RASGRF1: variants seen among roughly 807,000 people sequenced by gnomAD.
RASGRF1 encodes ras-specific guanine nucleotide-releasing factor 1.
Under a neutral mutation model 138.7 loss-of-function variants are expected in RASGRF1, and 40 were observed. The observed-to-expected ratio is 0.29, with a 90% CI of 0.22 to 0.38. RASGRF1 has a LOEUF of 0.38. RASGRF1 is among the 10% of genes least tolerant of loss of function. The pLI, the probability that RASGRF1 is intolerant of heterozygous loss-of-function variation, is 1.00. For missense variants in RASGRF1, 1,108 were observed against 1,650.4 expected (o/e 0.67, Z 5.69); for synonymous variants, 614 against 663.2 (o/e 0.93, Z 1.14).
intron 5 of RASGRF1, among the ~76,000 whole-genome samples, chr15:79,042,895 T>C (rs1429296945): frequency 6.6e-6 from 1 of 152,198 alleles, no homozygotes; most frequent in Non-Finnish European, 1.5e-5. Flanking sequence ...AATAGTTCCT[T>C]ATGTTTGCAA....
rs569864804 is a variant in RASGRF1 at position 79,077,828 on chromosome 15, C to T, written c.276+12395G>A. ...AAACAGTCCCCTCTGATCTCCTTGCCCCCTCCAATTCATCCCGCCTTTTGG... is the reference window on the plus strand; with the variant it reads ...AAACAGTCCCCTCTGATCTCCTTGCTCCCTCCAATTCATCCCGCCTTTTGG... On this transcript the variant is annotated intron_variant, in intron 1 of 26. Transcript: ENST00000558480. 2.0e-5 allele frequency among the ~76,000 whole-genome samples: 3 copies of T among 151,760 alleles called. No individual in the cohort carries two copies. The South Asian group carries it at 6.3e-4, about 32-fold the overall frequency.
At position 79,017,896 on chromosome 15, in the gene RASGRF1, G is replaced by A. The variant is rs139426512; in HGVS notation, c.1617C>T (p.Ser539=). The A allele has an allele frequency of 4.8e-3, 7,802 of 1,611,868 alleles. 28 individuals carry two copies. Among genetic ancestry groups the A allele is most frequent in the Middle Eastern group, 8.3e-3 (50 of 6,052 alleles). ...PESTEEEAKG[S]GQDIDHLDFK... is the part of the protein sequence containing the mutation. ...AATCCAAGTGATCTATGTCTTGGCC[G>A]GATCCTTTGGCTTCCAGTTGTAAAA... The change falls in exon 12 of 27, where the codon TCC becomes TCT. Residue 539 remains serine (S), a synonymous_variant. Transcript: ENST00000558480.
intron 1 of RASGRF1, among the ~76,000 whole-genome samples, chr15:79,082,783 T>G (rs1463459928): frequency 2.0e-5 from 3 of 152,186 alleles, no homozygotes; most frequent in Non-Finnish European, 4.4e-5. Flanking sequence ...TGCTTGGACC[T>G]TTTCAGGAAC....
At chr15:78,979,015 G>C (rs951217408) in intron 24 of RASGRF1, 1 of 1,293,760 alleles carries the variant, frequency 7.7e-7, no homozygotes, top group African/African-American at 1.5e-5. Context: ...TGGAGGCAGC[G>C]GTGGTGGCGG....
intron 24 of RASGRF1, chr15:78,979,435 A>T (rs2055968553): frequency 9.7e-6 from 2 of 207,036 alleles, no homozygotes; most frequent in African/African-American, 4.6e-5. Context: ...TGATCATGGG[A>T]ACACCAGGAA....
At position 79,017,792 on chromosome 15, in the gene RASGRF1, G is replaced by A. The variant is rs1434152539; in HGVS notation, c.1721C>T (p.Ala574Val). 12 of 1,609,984 alleles carry A rather than the reference G, an allele frequency of 7.5e-6. No individual in the cohort carries two copies. The highest frequency in any genetic ancestry group is 6.8e-5 in the Admixed American group (4 of 58,866). Residue 574 changes from alanine (A) to valine (V), a missense_variant, in exon 12 of 27, where the codon GCG (alanine) becomes GTG (valine). This residue lies in a region of RASGRF1 where 686 missense variants were observed against 976.7 expected (regional missense o/e 0.70). Transcript: ENST00000558480. ...CACCTGGCTGATGTCACTGGTCCAC[G>A]CTGCCTTCTCCTGTCTGGACGAGGC... ...LVASSRQEKAAWTSDISQCVD... is the reference protein window; with the variant it reads ...LVASSRQEKAVWTSDISQCVD...
At chr15:78,967,174 T>C (rs1246390471) in intron 26 of RASGRF1, among the ~76,000 whole-genome samples, 3 of 151,808 alleles carry the variant, frequency 2.0e-5, no homozygotes, top group Non-Finnish European at 4.4e-5. Context: ...GCCGGGGAAG[T>C]TGAGGTTGCA....
In RASGRF1 at chr15:79,033,581, C is replaced by CTTTT. The variant is rs71148586; in HGVS notation, c.959-1269_959-1266dup. Among the ~76,000 whole-genome samples the CTTTT allele has an allele frequency of 4.4e-3, 410 of 93,924 alleles. 17 individuals are homozygous for CTTTT. Among genetic ancestry groups the CTTTT allele is most frequent in the Middle Eastern group, 0.015 (1 of 66 alleles). 61.6% of individuals were successfully genotyped at this position (93,924 alleles called of 152,430 possible). ...ACATCTTCTTCTTCTTTTTTCTTTTCTTTTTTTTTTTTTTTTTTTTTGAGA... is the reference window on the plus strand; with the variant it reads ...ACATCTTCTTCTTCTTTTTTCTTTTCTTTTTTTTTTTTTTTTTTTTTTTTTGAGA... On this transcript the variant is annotated intron_variant, in intron 6 of 26. Coordinates refer to ENST00000558480, the MANE Select transcript of RASGRF1 (RefSeq NM_001145648.3).
intron 19 of RASGRF1, among the ~76,000 whole-genome samples, chr15:78,996,357 C>T (rs1444699166): frequency 6.6e-6 from 1 of 152,212 alleles, no homozygotes; most frequent in Non-Finnish European, 1.5e-5. Context: ...GGCTCAGAGC[C>T]ACAGCTGGTG....
chr15:79,001,739 C>T lies in RASGRF1; in HGVS notation c.2498G>A (p.Ser833Asn), dbSNP rs1595888627. Residue 833 changes from serine (S) to asparagine (N), a missense_variant, in exon 16 of 27, where the codon AGT becomes AAT. Physicochemically the swap from Ser to Asn is conservative, Grantham distance 46 (BLOSUM62 1). Transcript: ENST00000558480. ...TGATGTTTCAGTATCACCATCATCA[C>T]TCTGGTTTTGATCAATATCTGACTC... The part of the protein sequence containing the change: ...REESDIDQNQ[S>N]DDGDTETSPT... 6.2e-7 allele frequency: 1 copy of T among 1,610,466 alleles called. No individual in the cohort carries two copies. The highest frequency in any genetic ancestry group is 8.5e-7 in the Non-Finnish European group (1 of 1,176,872).
intron 1 of RASGRF1, among the ~76,000 whole-genome samples, chr15:79,070,858 C>T (rs1461800618): frequency 6.6e-6 from 1 of 152,116 alleles, no homozygotes; most frequent in African/African-American, 2.4e-5. Flanking sequence ...ATCTTCTAGG[C>T]CCTACTCCAT....
At chr15:79,064,389 G>A (rs369720098) in intron 2 of RASGRF1, 31 bp downstream of exon 2, 41 of 1,597,352 alleles carry the variant, frequency 2.6e-5, no homozygotes, top group Non-Finnish European at 3.2e-5. Context: ...CTGTGGAGTA[G>A]GGGCTTCCTG....
In RASGRF1 at chr15:79,064,434, G is replaced by T; in HGVS notation, c.369C>A (p.Ala123=). The part of the protein sequence containing the change: ...DAKDCDEWVA[A]IAHASYRTLA... ...AGGAGACATACCTGGCATGTGCAAT[G>T]GCTGCCACCCATTCGTCACAATCTT... The change falls in exon 2 of 27, where the codon GCC becomes GCA. Residue 123 remains alanine, a synonymous_variant. Coordinates refer to ENST00000558480, the MANE Select transcript of RASGRF1 (RefSeq NM_001145648.3). The T allele has an allele frequency of 3.7e-6, 6 of 1,614,160 alleles. No homozygotes were observed. Among genetic ancestry groups the T allele is most frequent in the Non-Finnish European group, 5.1e-6 (6 of 1,179,988 alleles).
At chr15:79,045,523 G>A (rs750242367) in intron 5 of RASGRF1, among the ~76,000 whole-genome samples, 9 of 152,286 alleles carry the variant, frequency 5.9e-5, no homozygotes, top group South Asian at 2.1e-4. Flanking sequence ...ATTTGGTCTC[G>A]AAAGGTCTCA....
intron 23 of RASGRF1, among the ~76,000 whole-genome samples, chr15:78,982,025 G>A (rs1472407946): frequency 1.3e-5 from 2 of 152,162 alleles, no homozygotes; most frequent in Non-Finnish European, 2.9e-5. Context: ...GGCGGGGGCT[G>A]AGTCAGGAAA....
At chr15:79,001,640 G>A in intron 16 of RASGRF1, 22 bp downstream of exon 16, 1 of 1,611,790 alleles carries the variant, frequency 6.2e-7, no homozygotes. Context: ...TCTATTTGTG[G>A]TTTTGAATTG....
rs1157564672 is a variant in RASGRF1, at chr15:78,990,201, C to T, written c.3204G>A (p.Lys1068=). 6.2e-7 allele frequency: 1 copy of T among 1,600,074 alleles called. No homozygotes were observed. Among genetic ancestry groups the T allele is most frequent in the African/African-American group, 1.3e-5 (1 of 74,694 alleles). ...CATCCATACTCACGTCATTGAAGTGCTTAGTGGTTTTCATGATATAAGGGG... is the reference window on the plus strand; with the variant it reads ...CATCCATACTCACGTCATTGAAGTGTTTAGTGGTTTTCATGATATAAGGGG... ...ERTPYIMKTT[K]HFNDISNLIA... is the part of the protein sequence containing the mutation. Residue 1068 remains lysine, a synonymous_variant, in exon 22 of 27, where the codon AAG becomes AAA. Coordinates refer to ENST00000558480, the MANE Select transcript of RASGRF1 (RefSeq NM_001145648.3).
intron 13 of RASGRF1, among the ~76,000 whole-genome samples, chr15:79,007,545 G>GTTTTTTTTTT (rs5813951): frequency 2.8e-5 from 3 of 108,960 alleles, no homozygotes; most frequent in Non-Finnish European, 5.3e-5. Context: ...GCCGTATCTA[G>GTTTTTTTTTT]TTTTTTTTTT....
At chr15:79,009,913 C>T (rs974641669) in intron 13 of RASGRF1, among the ~76,000 whole-genome samples, 2 of 151,380 alleles carry the variant, frequency 1.3e-5, no homozygotes, top group East Asian at 1.9e-4. Context: ...TTAGTAGAGA[C>T]GGGGTTTCAC....
Sources: allele counts gnomAD v4.1 joint callset (sites outside exome capture counted in the v4.1 genomes callset), GRCh38; gene constraint gnomAD v4.1.1; regional missense constraint gnomAD v4.1.1; transcripts MANE v1.5; gene names NCBI Gene and HGNC (gene_info 2026-07-23, HGNC 2026-07-21).